PPP1R21: variants seen among roughly 807,000 people sequenced by gnomAD.
The protein encoded by PPP1R21 is protein phosphatase 1 regulatory subunit 21.
PPP1R21 carries 85 observed loss-of-function variants against 112.8 expected under a neutral mutation model. The ratio of observed to expected loss-of-function variants is 0.75; its 90% CI spans 0.63 to 0.90. The LOEUF (loss-of-function observed/expected upper bound fraction) is 0.90, where lower values mean the gene tolerates loss of function less well. Ranked by LOEUF, PPP1R21 falls within the 40% of genes least tolerant of loss-of-function variation. PPP1R21 has a pLI of 0.00. For missense variants in PPP1R21, 1,199 were observed against 901.5 expected (o/e 1.33, Z -4.23); for synonymous variants, 381 against 322.3 (o/e 1.18, Z -1.95).
intron 13 of PPP1R21, among the ~76,000 whole-genome samples, chr2:48,480,409 A>G (rs1250331323): frequency 6.6e-6 from 1 of 152,236 alleles, no homozygotes; most frequent in Non-Finnish European, 1.5e-5. Context: ...CAGAAGGAAT[A>G]CACTAACTTT....
At chr2:48,451,551 G>A (rs1406153429) in intron 2 of PPP1R21, among the ~76,000 whole-genome samples, 2 of 152,182 alleles carry the variant, frequency 1.3e-5, no homozygotes, top group Non-Finnish European at 2.9e-5. Flanking sequence ...TGTTAATCAG[G>A]ACACTCTTTG....
At chr2:48,460,681 C>T (rs1329993736) in intron 6 of PPP1R21, among the ~76,000 whole-genome samples, 1 of 152,056 alleles carries the variant, frequency 6.6e-6, no homozygotes, top group East Asian at 1.9e-4. Context: ...GTTAGAATTA[C>T]ATGCATGATT....
At chr2:48,477,140 T>TA (rs1553340642) in intron 12 of PPP1R21, among the ~76,000 whole-genome samples, 2 of 149,214 alleles carry the variant, frequency 1.3e-5, no homozygotes, top group African/African-American at 4.9e-5. Context: ...TTTTTTTTTT[T>TA]AGACAGAGTC....
chr2:48,498,276 GT>G (rs200883214), intron 16 of PPP1R21, among the ~76,000 whole-genome samples: 98 of 148,270 alleles, frequency 6.6e-4, no homozygotes, highest in Middle Eastern at 3.5e-3. Flanking sequence ...AATGAGTAGA[GT>G]TTTTTTTTTT....
intron 13 of PPP1R21, among the ~76,000 whole-genome samples, chr2:48,483,968 A>G (rs1004663030): frequency 6.6e-6 from 1 of 152,098 alleles, no homozygotes; most frequent in African/African-American, 2.4e-5. Flanking sequence ...GATTACATGC[A>G]TGAACTACCG....
intron 1 of PPP1R21, among the ~76,000 whole-genome samples, chr2:48,442,837 G>C (rs931432211): frequency 1.3e-5 from 2 of 152,144 alleles, no homozygotes; most frequent in Admixed American, 6.5e-5. Context: ...TATTATGAAA[G>C]GTTGTGGATG....
At chr2:48,475,990 T>G (rs1029113816) in intron 12 of PPP1R21, among the ~76,000 whole-genome samples, 1 of 152,236 alleles carries the variant, frequency 6.6e-6, no homozygotes, top group Non-Finnish European at 1.5e-5. Context: ...TAATTAAAGT[T>G]TACAATTCAG....
intron 12 of PPP1R21, among the ~76,000 whole-genome samples, chr2:48,476,102 C>G (rs1423753562): frequency 6.6e-6 from 1 of 152,112 alleles, no homozygotes; most frequent in Non-Finnish European, 1.5e-5. Flanking sequence ...AGCTATTGCC[C>G]TCCCATTCCC....
chr2:48,494,715 C>T (rs1365234726), intron 15 of PPP1R21, among the ~76,000 whole-genome samples: 1 of 146,852 alleles, frequency 6.8e-6, no homozygotes, highest in Non-Finnish European at 1.5e-5. Context: ...CGTGCCTGGC[C>T]TTATTTATTT....
chr2:48,508,314 T>G (rs944647063), intron 19 of PPP1R21, among the ~76,000 whole-genome samples: 2 of 152,178 alleles, frequency 1.3e-5, no homozygotes, highest in African/African-American at 4.8e-5. Flanking sequence ...ATGCTTAACG[T>G]TGTTAAATTG....
At chr2:48,494,105 CT>C (rs1669697640) in intron 15 of PPP1R21, among the ~76,000 whole-genome samples, 1 of 148,894 alleles carries the variant, frequency 6.7e-6, no homozygotes, top group Admixed American at 6.7e-5. Context: ...TGGTGCATGC[CT>C]GTAGTCCCAG....
intron 1 of PPP1R21, among the ~76,000 whole-genome samples, chr2:48,446,855 A>G (rs911936827): frequency 1.1e-4 from 16 of 152,122 alleles, no homozygotes; most frequent in South Asian, 2.1e-4. Context: ...GGTTCAAGCA[A>G]TTCTCCTGCC....
At chr2:48,462,122 T>A (rs1668003498) in intron 7 of PPP1R21, among the ~76,000 whole-genome samples, 1 of 152,208 alleles carries the variant, frequency 6.6e-6, no homozygotes, top group Non-Finnish European at 1.5e-5. Context: ...TCTCAATCAT[T>A]AGGTTTTAAT....
intron 15 of PPP1R21, among the ~76,000 whole-genome samples, chr2:48,493,445 G>A (rs968767003): frequency 6.6e-6 from 1 of 152,096 alleles, no homozygotes; most frequent in Non-Finnish European, 1.5e-5. Flanking sequence ...TTTTATTTTT[G>A]TATCATCAAA....
chr2:48,471,383 G>T lies in PPP1R21; in HGVS notation c.1088+16G>T, dbSNP rs760474679. On this transcript the variant is annotated intron_variant, in intron 11 of 21. Transcript: ENST00000294952. ...AGTTAAAAAGGTAGTTACCCCCGGA[G>T]GCCAGGGAACTTGGGGAATTGTGGG... The T allele has an allele frequency of 6.3e-7, 1 of 1,590,890 alleles. No individual in the cohort carries two copies. Among genetic ancestry groups the T allele is most frequent in the Non-Finnish European group, 8.5e-7 (1 of 1,172,152 alleles).
chr2:48,515,051 A>G lies in PPP1R21; in HGVS notation c.*307A>G, dbSNP rs1222650124. ...TAGGTTTTAATTTCAGTATGTAAGA[A>G]CAAATATTTTGTATACTTTCAAACT... On this transcript the variant is annotated 3_prime_UTR_variant, in exon 22 of 22. Transcript: ENST00000294952. The G allele has an allele frequency of 1.2e-5, 4 of 329,542 alleles. No homozygotes were observed. The highest frequency in any genetic ancestry group is 1.6e-5 in the Non-Finnish European group (3 of 183,486). The allele number at this position is 329,542 out of a possible 1,614,324, so 20.4% of individuals were successfully genotyped here.
At position 48,454,720 on chromosome 2, in the gene PPP1R21, A is replaced by C; in HGVS notation, c.252A>C (p.Glu84Asp). ...ELLQDELALS[E>D]PRGKKNKKSG... Reference sequence around the variant, plus strand: ...TTCAAGATGAACTAGCTCTAAGTGAACCACGAGGCAAGAAAAACAAGGTAG... The same window carrying C: ...TTCAAGATGAACTAGCTCTAAGTGACCCACGAGGCAAGAAAAACAAGGTAG... The change falls in exon 3 of 22, where the codon GAA becomes GAC. Residue 84 changes from glutamate (E) to aspartate (D), a missense_variant. Transcript: ENST00000294952. 1 of 1,614,092 alleles carries C rather than the reference A, an allele frequency of 6.2e-7. No homozygotes were observed. Among genetic ancestry groups the C allele is most frequent in the South Asian group, 1.1e-5 (1 of 91,066 alleles).
chr2:48,473,491 C>G (rs1256808035), intron 11 of PPP1R21, among the ~76,000 whole-genome samples: 1 of 152,138 alleles, frequency 6.6e-6, no homozygotes, highest in Non-Finnish European at 1.5e-5. Context: ...CTTTCTTAAG[C>G]TAAGATTTCT....
At chr2:48,480,886 G>A (rs916241900) in intron 13 of PPP1R21, among the ~76,000 whole-genome samples, 30 of 152,220 alleles carry the variant, frequency 2.0e-4, no homozygotes, top group African/African-American at 7.2e-4. Context: ...GACCTAATCT[G>A]TGGCACTGGG....
Sources: allele counts gnomAD v4.1 joint callset (sites outside exome capture counted in the v4.1 genomes callset), GRCh38; gene constraint gnomAD v4.1.1; transcripts MANE v1.5; gene names NCBI Gene and HGNC (gene_info 2026-07-23, HGNC 2026-07-21).